CHRND: variants seen among roughly 807,000 people sequenced by gnomAD.
The protein encoded by CHRND is acetylcholine receptor subunit delta.
A neutral mutation model predicts 57.8 loss-of-function variants in CHRND; 40 were observed. That is an observed-to-expected ratio of 0.69 (90% CI 0.54 to 0.90). The LOEUF (loss-of-function observed/expected upper bound fraction) is 0.90. Among genes scored for constraint, CHRND ranks in the 40% least tolerant of loss-of-function variants. CHRND has a pLI of 0.00. For synonymous variants in CHRND, 237 were observed against 270.6 expected (o/e 0.88, Z 1.22); for missense variants, 634 against 673.9 (o/e 0.94, Z 0.66).
rs755141289 is a variant in CHRND at position 232,528,538 on chromosome 2, G to C, written c.391G>C (p.Val131Leu). Residue 131 changes from valine to leucine, a missense_variant, in exon 5 of 12, where the codon GTG (valine) becomes CTG (leucine). By Grantham distance (32) the Val-to-Leu change is conservative. Transcript: ENST00000258385. ...GSFQISYSCN[V>L]LVYHYGFVYW... is the part of the protein sequence containing the mutation. ...CTTCCAGATCTCCTACTCCTGCAACGTGCTTGTCTACCACTACGGCTTCGT... is the reference window on the plus strand; with the variant it reads ...CTTCCAGATCTCCTACTCCTGCAACCTGCTTGTCTACCACTACGGCTTCGT... 8.1e-6 allele frequency: 13 copies of C among 1,614,052 alleles called. No individual in the cohort carries two copies. Among genetic ancestry groups the C allele is most frequent in the Non-Finnish European group, 1.1e-5 (13 of 1,180,038 alleles).
At chr2:232,529,137 G>A (rs187017494) in intron 6 of CHRND, among the ~76,000 whole-genome samples, 166 bp downstream of exon 6, 9 of 152,170 alleles carry the variant, frequency 5.9e-5, no homozygotes, top group East Asian at 1.9e-4. Context: ...ACACATATCC[G>A]CCCACAGAGG....
At position 232,531,481 on chromosome 2, in the gene CHRND, C is replaced by T. The variant is rs1431221932; in HGVS notation, c.932+18C>T. 6.2e-7 allele frequency: 1 copy of T among 1,613,250 alleles called. No individual in the cohort carries two copies. Among genetic ancestry groups the T allele is most frequent in the Non-Finnish European group, 8.5e-7 (1 of 1,179,242 alleles). On this transcript the variant is annotated intron_variant, in intron 8 of 11. Transcript: ENST00000258385. Reference sequence around the variant, plus strand: ...ATCGGCAAGTGAGTGACGCTCAAGCCCGGCCTCACCCTGCTTGCCAGCCCA... The same window carrying T: ...ATCGGCAAGTGAGTGACGCTCAAGCTCGGCCTCACCCTGCTTGCCAGCCCA...
intron 9 of CHRND, 45 bp downstream of exon 9, chr2:232,531,701 C>A: frequency 1.3e-6 from 2 of 1,517,258 alleles, no homozygotes; most frequent in Non-Finnish European, 1.8e-6. Context: ...GTAATCCTGG[C>A]ATTTCAGGAG....
chr2:232,528,080 G>T (rs1691547616), intron 3 of CHRND, among the ~76,000 whole-genome samples, 182 bp from the exon 4 acceptor site: 1 of 152,122 alleles, frequency 6.6e-6, no homozygotes, highest in Non-Finnish European at 1.5e-5. Context: ...TCCCTTAGTT[G>T]TGCAGTGAGC....
intron 9 of CHRND, 131 bp downstream of exon 9, chr2:232,531,787 A>C (rs1691708874): frequency 4.1e-6 from 3 of 740,470 alleles, no homozygotes. Flanking sequence ...CTGTCTCTAT[A>C]AACAATCAAA....
chr2:232,526,465 G>A, intron 1 of CHRND, 64 bp from the exon 2 acceptor site: 1 of 1,609,824 alleles, frequency 6.2e-7, no homozygotes, highest in Non-Finnish European at 8.5e-7. Flanking sequence ...GGACCTCAGG[G>A]CAGCTTCCTT....
chr2:232,529,952 G>A lies in CHRND; in HGVS notation c.633G>A (p.Trp211Ter). 6.2e-7 allele frequency: 1 copy of A among 1,614,020 alleles called. No homozygotes were observed. Residue 211 changes from tryptophan (W) to a stop codon, truncating the protein, a stop_gained, in exon 7 of 12, where the codon TGG (tryptophan) becomes TGA (stop). Coordinates refer to ENST00000258385, the MANE Select transcript of CHRND (RefSeq NM_000751.3). LOFTEE classifies it high-confidence loss of function. ...TGCCGCCCTCAGAGAACGGGGAGTG[G>A]GAGATAGTCCACCGGCCGGCCAGGG... is the stretch of plus-strand genomic sequence containing the variant. ...DPEGFTENGE[W>*]EIVHRPARVN...
chr2:232,527,351 G>T (rs1168245708), intron 2 of CHRND, 50 bp from the exon 3 acceptor site: 1 of 1,463,504 alleles, frequency 6.8e-7, no homozygotes, highest in Admixed American at 1.7e-5. Context: ...AATGTGTGCG[G>T]ATAAAAGAAT....
chr2:232,530,067 A>G lies in CHRND; in HGVS notation c.748A>G (p.Ile250Val). 3.1e-6 allele frequency: 5 copies of G among 1,614,044 alleles called. No homozygotes were observed. Among genetic ancestry groups the G allele is most frequent in the Non-Finnish European group, 3.4e-6 (4 of 1,179,992 alleles). ...CATCCGCCGCAAGCCCCTCTTCTACATCATCAACATCCTGGTGCCCTGCGT... is the reference window on the plus strand; with the variant it reads ...CATCCGCCGCAAGCCCCTCTTCTACGTCATCAACATCCTGGTGCCCTGCGT... Reference protein sequence around the residue: ...LIIRRKPLFYIINILVPCVLI... With the variant: ...LIIRRKPLFYVINILVPCVLI... Residue 250 changes from isoleucine (I) to valine (V), a missense_variant, in exon 7 of 12, where the codon ATC becomes GTC. Transcript: ENST00000258385.
chr2:232,526,985 C>T (rs1027074032), intron 2 of CHRND, among the ~76,000 whole-genome samples: 6 of 152,168 alleles, frequency 3.9e-5, no homozygotes, highest in African/African-American at 1.4e-4. Flanking sequence ...GCCACGGTTT[C>T]CCTGGGTGCC....
In CHRND at chr2:232,531,633, G is replaced by A. The variant is rs1166002461; in HGVS notation, c.1024G>A (p.Val342Met). 2 of 1,613,666 alleles carry A rather than the reference G, an allele frequency of 1.2e-6. No individual in the cohort carries two copies. Among genetic ancestry groups the A allele is most frequent in the Non-Finnish European group, 1.7e-6 (2 of 1,180,016 alleles). The change falls in exon 9 of 12, where the codon GTG becomes ATG. Residue 342 changes from valine to methionine, a missense_variant. Physicochemically the swap from Val to Met is conservative, Grantham distance 21 (BLOSUM62 1). Coordinates refer to ENST00000258385, the MANE Select transcript of CHRND (RefSeq NM_000751.3). The part of the protein sequence containing the change: ...NIHFRTPSTH[V>M]LSEGVKKLFL... ...CCACTTCCGAACACCCAGCACCCATGTGCTGTCTGAGGGGGTCAAGAAGGT... is the reference window on the plus strand; with the variant it reads ...CCACTTCCGAACACCCAGCACCCATATGCTGTCTGAGGGGGTCAAGAAGGT...
rs150074574 is a variant in CHRND, at chr2:232,536,151, A to C, written c.*839A>C. 1 of 454,150 alleles carries C rather than the reference A, an allele frequency of 2.2e-6. No homozygotes were observed. Among genetic ancestry groups the C allele is most frequent in the East Asian group, 6.9e-5 (1 of 14,398 alleles). 28.1% of individuals were successfully genotyped at this position (454,150 alleles called of 1,614,324 possible). On this transcript the variant is annotated 3_prime_UTR_variant, in exon 12 of 12. Coordinates refer to ENST00000258385, the MANE Select transcript of CHRND (RefSeq NM_000751.3). ...CCACTCAATCTTATCCTGAGGGCCA[A>C]AGGCCAAGGCTGCAGGAATTGGGAG...
intron 7 of CHRND, among the ~76,000 whole-genome samples, chr2:232,530,726 T>C (rs1020031068): frequency 4.6e-5 from 7 of 151,998 alleles, no homozygotes; most frequent in African/African-American, 1.7e-4. Flanking sequence ...GAGGTGGAGT[T>C]TGAATGGACT....
chr2:232,536,381 C>T lies in CHRND; in HGVS notation c.*1069C>T, dbSNP rs1559300467. The T allele has an allele frequency of 4.4e-6, 2 of 454,050 alleles. No individual in the cohort carries two copies. The highest frequency in any genetic ancestry group is 4.4e-6 in the Non-Finnish European group (1 of 226,814). 28.1% of individuals were successfully genotyped at this position (454,050 alleles called of 1,614,324 possible). A position where few individuals can be genotyped will look rare whatever the true frequency, so the allele number is the denominator to read the frequency against. ...TCTTGCTCATTAGCCCTCATTCTCA[C>T]ATCAGTTGGATCTCTCACTTTGGGG... On this transcript the variant is annotated 3_prime_UTR_variant, in exon 12 of 12. Coordinates refer to ENST00000258385, the MANE Select transcript of CHRND (RefSeq NM_000751.3).
chr2:232,526,345 A>C, intron 1 of CHRND, 78 bp downstream of exon 1: 10 of 1,536,066 alleles, frequency 6.5e-6, no homozygotes, highest in Middle Eastern at 2.3e-4. Flanking sequence ...CTCCTCACTC[A>C]CTCCACTCCC....
chr2:232,531,291 GT>G (rs1385880940), intron 7 of CHRND, 60 bp from the exon 8 acceptor site: 1 of 914,678 alleles, frequency 1.1e-6, no homozygotes, highest in African/African-American at 2.4e-5. Flanking sequence ...GTGCCCCAAG[GT>G]CACAGCTGGA....
intron 9 of CHRND, among the ~76,000 whole-genome samples, chr2:232,532,968 G>A (rs1691761356): frequency 6.6e-6 from 1 of 152,184 alleles, no homozygotes; most frequent in South Asian, 2.1e-4. Context: ...CTTGCCTCTC[G>A]GCTGCTGCAG....
rs1691855725 is a variant in CHRND at position 232,535,487 on chromosome 2, G to A, written c.*175G>A. On this transcript the variant is annotated 3_prime_UTR_variant, in exon 12 of 12. Transcript: ENST00000258385. ...TGGCTCCCCTGAAATCAAGACAGGG[G>A]CCACCCGAGATGGTCTGAGGGTGGA... 2 of 831,886 alleles carry A rather than the reference G, an allele frequency of 2.4e-6. No homozygotes were observed. The highest frequency in any genetic ancestry group is 2.0e-6 in the Non-Finnish European group (1 of 506,310). 51.5% of individuals were successfully genotyped at this position (831,886 alleles called of 1,614,324 possible). A position where few individuals can be genotyped will look rare whatever the true frequency, so the allele number is the denominator to read the frequency against.
In CHRND at chr2:232,528,509, G is replaced by T; in HGVS notation, c.362G>T (p.Gly121Val). The part of the protein sequence containing the change: ...PEIVLENNND[G>V]SFQISYSCNV... ...TTGTCCCTGTCCCCCAGCAATGACG[G>T]CTCCTTCCAGATCTCCTACTCCTGC... is the stretch of plus-strand genomic sequence containing the variant. Residue 121 changes from glycine (G) to valine (V), a missense_variant, in exon 5 of 12, where the codon GGC becomes GTC. Coordinates refer to ENST00000258385, the MANE Select transcript of CHRND (RefSeq NM_000751.3). 2 of 1,614,052 alleles carry T rather than the reference G, an allele frequency of 1.2e-6. No individual in the cohort carries two copies. The highest frequency in any genetic ancestry group is 2.7e-5 in the African/African-American group (2 of 75,004).
Sources: allele counts gnomAD v4.1 joint callset (sites outside exome capture counted in the v4.1 genomes callset), GRCh38; gene constraint gnomAD v4.1.1; transcripts MANE v1.5; gene names NCBI Gene and HGNC (gene_info 2026-07-23, HGNC 2026-07-21).